PLXNA4: variants seen among roughly 807,000 people sequenced by gnomAD.
The protein encoded by PLXNA4 is plexin A4, also known as plexin-A4.
PLXNA4 carries 44 observed loss-of-function variants against 191.8 expected under a neutral mutation model. The observed-to-expected ratio is 0.23, with a 90% CI of 0.18 to 0.29. The LOEUF is 0.29. PLXNA4 is among the 10% of genes least tolerant of loss of function. The pLI is 1.00. For synonymous variants in PLXNA4, 1,082 were observed against 1,009.5 expected (o/e 1.07, Z -1.36); for missense variants, 1,800 against 2,488.8 (o/e 0.72, Z 5.89).
intron 1 of PLXNA4, among the ~76,000 whole-genome samples, chr7:132,561,745 TCTTCTCCTCCTCCTC>T (rs1213352912): frequency 1.6e-5 from 1 of 61,980 alleles, no homozygotes; most frequent in Non-Finnish European, 3.1e-5. Context: ...TCCTCCTCCT[TCTTCTCCTCCTCCTC>T]CTTCTCCTCC....
At chr7:132,159,247 T>C (rs1230275644) in intron 25 of PLXNA4, among the ~76,000 whole-genome samples, 1 of 152,120 alleles carries the variant, frequency 6.6e-6, no homozygotes, top group Non-Finnish European at 1.5e-5. Context: ...AAGTGGCCCG[T>C]GGACCCCTCT....
chr7:132,548,015 C>T (rs1051234160), intron 1 of PLXNA4, among the ~76,000 whole-genome samples: 2 of 152,144 alleles, frequency 1.3e-5, no homozygotes, highest in African/African-American at 2.4e-5. Flanking sequence ...TTGAACAAAA[C>T]GTGAAACCGA....
At chr7:132,298,419 G>A (rs1474773347) in intron 3 of PLXNA4, among the ~76,000 whole-genome samples, 197 bp from the exon 4 acceptor site, 2 of 152,224 alleles carry the variant, frequency 1.3e-5, no homozygotes, top group African/African-American at 2.4e-5. Flanking sequence ...AGAGGGAAGT[G>A]GGGGACCAAG....
chr7:132,360,602 T>A (rs1033316545), intron 3 of PLXNA4, among the ~76,000 whole-genome samples: 2 of 152,326 alleles, frequency 1.3e-5, no homozygotes, highest in East Asian at 3.9e-4. Flanking sequence ...CTGAGCTGAA[T>A]GATGTTTCGA....
At chr7:132,185,841 C>T (rs1796861906) in intron 15 of PLXNA4, among the ~76,000 whole-genome samples, 1 of 152,136 alleles carries the variant, frequency 6.6e-6, no homozygotes, top group Non-Finnish European at 1.5e-5. Context: ...TTGATGTATC[C>T]TCTTAGTGAT....
chr7:132,433,279 C>T (rs1212839121), intron 3 of PLXNA4, among the ~76,000 whole-genome samples: 2 of 152,188 alleles, frequency 1.3e-5, no homozygotes, highest in East Asian at 3.8e-4. Context: ...TTTGATGTCA[C>T]CTTTTGTCAC....
In PLXNA4 at chr7:132,203,428, A is replaced by G; in HGVS notation, c.2299-9T>C. ...ATCCCTTCATAGGAATACTGCAGCCAGGTCGGGGAGGAGGAAAGAAGAAAG... is the reference window on the plus strand; with the variant it reads ...ATCCCTTCATAGGAATACTGCAGCCGGGTCGGGGAGGAGGAAAGAAGAAAG... On this transcript the variant is annotated splice_polypyrimidine_tract_variant and intron_variant, in intron 10 of 31. Coordinates refer to ENST00000321063, the MANE Select transcript of PLXNA4 (RefSeq NM_020911.2). 1 of 1,613,050 alleles carries G rather than the reference A, an allele frequency of 6.2e-7. No individual in the cohort carries two copies. The highest frequency in any genetic ancestry group is 8.5e-7 in the Non-Finnish European group (1 of 1,179,018).
chr7:132,241,881 C>T (rs543525386), intron 4 of PLXNA4, among the ~76,000 whole-genome samples: 26 of 152,316 alleles, frequency 1.7e-4, no homozygotes, highest in South Asian at 4.1e-4. Flanking sequence ...TTTATATTAG[C>T]TTTCACCAGC....
chr7:132,481,720 G>A (rs1309386613), intron 3 of PLXNA4, among the ~76,000 whole-genome samples: 1 of 152,154 alleles, frequency 6.6e-6, no homozygotes, highest in Non-Finnish European at 1.5e-5. Context: ...CAGAAGATAT[G>A]GATTCTCCAT....
chr7:132,203,280 T>C (rs765312630), intron 11 of PLXNA4, 43 bp downstream of exon 11: 4 of 1,532,956 alleles, frequency 2.6e-6, no homozygotes, highest in Non-Finnish European at 2.7e-6. Flanking sequence ...CTCTACCCCA[T>C]CCCTTCCCCT....
intron 4 of PLXNA4, among the ~76,000 whole-genome samples, chr7:132,253,896 G>A (rs1233937351): frequency 6.6e-6 from 1 of 152,174 alleles, no homozygotes; most frequent in African/African-American, 2.4e-5. Context: ...ACGCTATCAC[G>A]CACTATGTGT....
At chr7:132,498,505 AG>A (rs1204041472) in intron 2 of PLXNA4, among the ~76,000 whole-genome samples, 1 of 152,188 alleles carries the variant, frequency 6.6e-6, no homozygotes, top group Non-Finnish European at 1.5e-5. Flanking sequence ...AAAACAGCAC[AG>A]GAAAGTCCTG....
chr7:132,216,903 G>A (rs1473940312), intron 9 of PLXNA4, among the ~76,000 whole-genome samples: 1 of 152,196 alleles, frequency 6.6e-6, no homozygotes, highest in Non-Finnish European at 1.5e-5. Flanking sequence ...ATTTGAAAGG[G>A]CCAGCTTTTG....
intron 3 of PLXNA4, among the ~76,000 whole-genome samples, chr7:132,323,189 C>A (rs559468588): frequency 6.6e-6 from 1 of 152,290 alleles, no homozygotes; most frequent in South Asian, 2.1e-4. Context: ...CACCACCAGG[C>A]CTTAAATCAC....
intron 1 of PLXNA4, among the ~76,000 whole-genome samples, chr7:132,542,467 G>A (rs1031417859): frequency 2.6e-5 from 4 of 152,194 alleles, no homozygotes; most frequent in Admixed American, 6.5e-5. Context: ...TGTTTGTACT[G>A]TGACAGGTCT....
chr7:132,515,507 T>C (rs556581674), intron 1 of PLXNA4, among the ~76,000 whole-genome samples: 4 of 152,322 alleles, frequency 2.6e-5, no homozygotes, highest in Admixed American at 6.5e-5. Flanking sequence ...ACAACCTCTC[T>C]AATACACTAT....
At chr7:132,182,323 G>C (rs1796736370) in intron 16 of PLXNA4, 133 bp from the exon 17 acceptor site, 1 of 1,415,834 alleles carries the variant, frequency 7.1e-7, no homozygotes, top group East Asian at 2.5e-5. Flanking sequence ...TGGGGACAAG[G>C]ATGACAAGCT....
At chr7:132,225,784 G>C (rs1186588998) in intron 8 of PLXNA4, among the ~76,000 whole-genome samples, 1 of 152,184 alleles carries the variant, frequency 6.6e-6, no homozygotes, top group African/African-American at 2.4e-5. Flanking sequence ...CTCTGCCCAT[G>C]GAGCTTGCTC....
intron 4 of PLXNA4, among the ~76,000 whole-genome samples, chr7:132,288,364 A>G (rs1177818456): frequency 6.6e-6 from 1 of 152,212 alleles, no homozygotes; most frequent in African/African-American, 2.4e-5. Flanking sequence ...TAAAATGCAG[A>G]CATCCTGCCT....
Sources: allele counts gnomAD v4.1 joint callset (sites outside exome capture counted in the v4.1 genomes callset), GRCh38; gene constraint gnomAD v4.1.1; transcripts MANE v1.5; gene names NCBI Gene and HGNC (gene_info 2026-07-23, HGNC 2026-07-21).